CCNY: variants seen among roughly 807,000 people sequenced by gnomAD.
The protein encoded by CCNY is cyclin Y.
In CCNY, 19 loss-of-function variants were observed where a neutral mutation model predicts 42.8. The observed-to-expected ratio is 0.44, with a 90% confidence interval of 0.31 to 0.65. The LOEUF is 0.65. Among genes scored for constraint, CCNY ranks in the 30% least tolerant of loss-of-function variants. The pLI is 0.07. For missense variants in CCNY, 370 were observed against 437.3 expected, an observed-to-expected ratio of 0.85 and a Z score of 1.37; for synonymous variants, 165 against 162.7, an observed-to-expected ratio of 1.01 and a Z score of -0.11.
intron 3 of CCNY, among the ~76,000 whole-genome samples, chr10:35,317,183 G>T (rs1835770763): frequency 6.6e-6 from 1 of 152,078 alleles, no homozygotes; most frequent in Non-Finnish European, 1.5e-5. Context: ...TAGAGATAGG[G>T]TCTCCCTGTG....
At chr10:35,451,995 C>CT (rs932263433) in intron 1 of CCNY, among the ~76,000 whole-genome samples, 63 of 151,704 alleles carry the variant, frequency 4.2e-4, no homozygotes, top group South Asian at 4.2e-4. Flanking sequence ...TAATATGACA[C>CT]TTTTTTTTTA....
At position 35,553,159 on chromosome 10, in the gene CCNY, C is replaced by A. The variant is rs751780823; in HGVS notation, c.720C>A (p.Ile240=). Residue 240 remains isoleucine, a synonymous_variant, in exon 8 of 10, where the codon ATC becomes ATA. Coordinates refer to ENST00000374704, the MANE Select transcript of CCNY (RefSeq NM_145012.6). ...TATGGAATGTGGATTACTGCCAGATCCTGAAAGACATCACGGTGGAGGACA... is the reference window on the plus strand; with the variant it reads ...TATGGAATGTGGATTACTGCCAGATACTGAAAGACATCACGGTGGAGGACA... ...QAVWNVDYCQ[I]LKDITVEDMN... 8.1e-6 allele frequency: 13 copies of A among 1,614,010 alleles called. No homozygotes were observed. Among genetic ancestry groups the A allele is most frequent in the South Asian group, 7.7e-5 (7 of 91,082 alleles).
intron 1 of CCNY, among the ~76,000 whole-genome samples, chr10:35,424,081 C>T (rs1040710769): frequency 1.4e-4 from 22 of 151,956 alleles, no homozygotes; most frequent in Admixed American, 6.6e-4. Flanking sequence ...TGTGGACTCT[C>T]GGAGCCTCGT....
intron 1 of CCNY, chr10:35,347,265 C>G (rs1378549837): frequency 6.2e-6 from 1 of 162,432 alleles, no homozygotes; most frequent in East Asian, 1.9e-4. Flanking sequence ...TCAGCTGGCT[C>G]CTGGTACTGA....
chr10:35,369,248 A>G lies in CCNY; in HGVS notation c.154+32041A>G, dbSNP rs557314926. 3.9e-5 allele frequency among the ~76,000 whole-genome samples: 6 copies of G among 152,346 alleles called. No individual in the cohort carries two copies. In the South Asian group the frequency reaches 1.2e-3, roughly 32 times the overall value. Reference sequence around the variant, plus strand: ...CTGTGTGAGCATCAGCGGGACAGGAACAGAGCAGGATGGTGAGGCTTGAGG... The same window carrying G: ...CTGTGTGAGCATCAGCGGGACAGGAGCAGAGCAGGATGGTGAGGCTTGAGG... On this transcript the variant is annotated intron_variant, in intron 1 of 9. Coordinates refer to ENST00000374704, the MANE Select transcript of CCNY (RefSeq NM_145012.6).
intron 1 of CCNY, among the ~76,000 whole-genome samples, chr10:35,337,750 T>C (rs1469958012): frequency 6.6e-6 from 1 of 152,132 alleles, no homozygotes; most frequent in Non-Finnish European, 1.5e-5. Flanking sequence ...TAAAAAATGA[T>C]TTTTTTGAGT....
chr10:35,466,014 C>T (rs572680234), intron 1 of CCNY, among the ~76,000 whole-genome samples: 227 of 150,886 alleles, frequency 1.5e-3, no homozygotes, highest in African/African-American at 5.2e-3. Flanking sequence ...TCCTTGAGAG[C>T]GAGGACTGGA....
intron 1 of CCNY, among the ~76,000 whole-genome samples, chr10:35,453,975 G>A (rs149966177): frequency 9.0e-4 from 137 of 152,246 alleles, no homozygotes; most frequent in African/African-American, 3.1e-3. Context: ...AAAAAGATGA[G>A]TCATGATCCT....
At chr10:35,352,355 G>A (rs540262399) in intron 1 of CCNY, among the ~76,000 whole-genome samples, 29 of 152,322 alleles carry the variant, frequency 1.9e-4, no homozygotes, top group African/African-American at 6.5e-4. Context: ...TGTGGAATGT[G>A]TTCTCTTCAT....
At chr10:35,421,669 A>G (rs1183766578) in intron 1 of CCNY, among the ~76,000 whole-genome samples, 10 of 152,078 alleles carry the variant, frequency 6.6e-5, no homozygotes, top group Admixed American at 6.5e-4. Flanking sequence ...GGAGTCTGTG[A>G]TGGACTCCCA....
intron 1 of CCNY, among the ~76,000 whole-genome samples, chr10:35,366,232 A>G (rs1271432917): frequency 6.6e-6 from 1 of 152,234 alleles, no homozygotes; most frequent in East Asian, 1.9e-4. Flanking sequence ...CCTTGATGAG[A>G]TGGTGGCAAT....
At chr10:35,293,265 C>T (rs1395083022) in intron 3 of CCNY, among the ~76,000 whole-genome samples, 1 of 152,114 alleles carries the variant, frequency 6.6e-6, no homozygotes, top group Non-Finnish European at 1.5e-5. Flanking sequence ...TCTTGACACC[C>T]TTGTCAAAAA....
chr10:35,421,465 A>G (rs1042344183), intron 1 of CCNY, among the ~76,000 whole-genome samples: 2 of 152,156 alleles, frequency 1.3e-5, no homozygotes, highest in Non-Finnish European at 2.9e-5. Flanking sequence ...CTGTTATTCT[A>G]GAACCCCCGA....
chr10:35,342,836 G>A (rs1836212859), intron 1 of CCNY, among the ~76,000 whole-genome samples: 1 of 152,016 alleles, frequency 6.6e-6, no homozygotes, highest in East Asian at 1.9e-4. Flanking sequence ...TTGCCTCCAT[G>A]CCTCAACTGC....
chr10:35,443,931 C>G (rs1188948585), intron 1 of CCNY, among the ~76,000 whole-genome samples: 1 of 152,216 alleles, frequency 6.6e-6, no homozygotes, highest in African/African-American at 2.4e-5. Flanking sequence ...TGTGAGGTCC[C>G]ATTCCAGCCA....
At chr10:35,422,962 G>A (rs748434710) in intron 1 of CCNY, among the ~76,000 whole-genome samples, 13 of 152,108 alleles carry the variant, frequency 8.5e-5, no homozygotes, top group Non-Finnish European at 1.2e-4. Context: ...TTTACATTTT[G>A]TTAGATGGTA....
intron 3 of CCNY, among the ~76,000 whole-genome samples, chr10:35,508,541 G>C (rs1229429914): frequency 6.6e-6 from 1 of 152,174 alleles, no homozygotes; most frequent in Non-Finnish European, 1.5e-5. Context: ...CTAGAACCAA[G>C]GTCTGGACAC....
At chr10:35,279,409 T>C (rs1280883542) in intron 3 of CCNY, among the ~76,000 whole-genome samples, 2 of 152,164 alleles carry the variant, frequency 1.3e-5, no homozygotes, top group East Asian at 3.9e-4. Flanking sequence ...CCACTGCTCC[T>C]GGTCATGCCT....
intron 1 of CCNY, among the ~76,000 whole-genome samples, chr10:35,372,029 T>C (rs1836948161): frequency 6.6e-6 from 1 of 152,226 alleles, no homozygotes; most frequent in Non-Finnish European, 1.5e-5. Context: ...ACCACTCCTG[T>C]GTGAGACTGG....
Sources: gnomAD v4.1 joint callset for allele counts (sites outside exome capture counted in the v4.1 genomes callset) on GRCh38, gnomAD v4.1.1 for gene constraint, MANE v1.5 for transcripts, NCBI Gene and HGNC (gene_info 2026-07-23, HGNC 2026-07-21) for gene names.